The following PCDHGB7 variants were observed in gnomAD, a reference collection of about 807,000 sequenced individuals.
PCDHGB7 encodes protocadherin gamma-B7.
A neutral mutation model predicts 61.4 loss-of-function variants in PCDHGB7; 37 were observed. That is an observed-to-expected ratio of 0.60 (90% CI 0.46 to 0.79). PCDHGB7 has a LOEUF of 0.79. Ranked by LOEUF, PCDHGB7 falls within the 30% of genes least tolerant of loss-of-function variation. PCDHGB7 has a pLI of 0.00. For synonymous variants in PCDHGB7, 464 were observed against 503.5 expected (o/e 0.92, Z 1.05); for missense variants, 1,166 against 1,202.5 (o/e 0.97, Z 0.45).
chr5:141,495,982 T>C (rs2099765062), intron 2 of PCDHGB7, among the ~76,000 whole-genome samples: 2 of 152,144 alleles, frequency 1.3e-5, no homozygotes. Context: ...TACTCTTTCT[T>C]TATCTCTCTT....
chr5:141,464,907 T>A lies in PCDHGB7; in HGVS notation c.2416-29900T>A, dbSNP rs187725683. On this transcript the variant is annotated intron_variant, in intron 1 of 3. Transcript: ENST00000398594. ...ATGGATGCCACCATGTCCAGCTAAT[T>A]TTTTTATTTTTTTGTAGAGATGTGA... 4.5e-3 allele frequency among the ~76,000 whole-genome samples: 687 copies of A among 152,148 alleles called. 4 individuals are homozygous for A. Among genetic ancestry groups the A allele is most frequent in the African/African-American group, 0.015 (630 of 41,510 alleles).
Position 141,418,822 on chromosome 5 carries a change from A to C in PCDHGB7, c.963A>C (p.Ala321=), listed in dbSNP as rs780172404. Reference sequence around the variant, plus strand: ...AAAGATATACGATAAACATAGAAGCAAAAGACCGAGGATCTCTCTCAACAC... The same window carrying C: ...AAAGATATACGATAAACATAGAAGCCAAAGACCGAGGATCTCTCTCAACAC... ...EVERYTINIE[A]KDRGSLSTRC... The change falls in exon 1 of 4, where the codon GCA becomes GCC. Residue 321 remains alanine (A), a synonymous_variant. Coordinates refer to ENST00000398594, the MANE Select transcript of PCDHGB7 (RefSeq NM_018927.4). 5.6e-6 allele frequency: 9 copies of C among 1,613,988 alleles called. No individual in the cohort carries two copies. Among genetic ancestry groups the C allele is most frequent in the Non-Finnish European group, 7.6e-6 (9 of 1,179,834 alleles).
chr5:141,428,223 A>C (rs539110667), intron 1 of PCDHGB7: 30 of 1,169,680 alleles, frequency 2.6e-5, no homozygotes, highest in Admixed American at 2.5e-4. Flanking sequence ...TAGTCTTCGC[A>C]GACAGCCTGC....
At chr5:141,499,247 A>C (rs908111927) in intron 2 of PCDHGB7, among the ~76,000 whole-genome samples, 1 of 152,036 alleles carries the variant, frequency 6.6e-6, no homozygotes, top group Non-Finnish European at 1.5e-5. Flanking sequence ...CTCTGCACAA[A>C]GAGTCTCCAT....
At chr5:141,421,147 G>A in intron 1 of PCDHGB7, 1 of 1,019,036 alleles carries the variant, frequency 9.8e-7, no homozygotes, top group South Asian at 1.7e-5. Context: ...GGATGTAGTC[G>A]GCCTAGGACT....
intron 1 of PCDHGB7, chr5:141,428,862 T>TC (rs1345604550): frequency 2.7e-5 from 2 of 74,856 alleles, no homozygotes; most frequent in African/African-American, 2.0e-4. Flanking sequence ...ACGGGAGACT[T>TC]TTTTTTTTTT....
At chr5:141,507,121 G>A (rs940889204) in intron 3 of PCDHGB7, 1 of 152,126 alleles carries the variant, frequency 6.6e-6, no homozygotes, top group African/African-American at 2.4e-5. Flanking sequence ...GGCTGCCTTT[G>A]GATCCAGCCT....
chr5:141,478,271 A>G, intron 1 of PCDHGB7: 1 of 1,614,170 alleles, frequency 6.2e-7, no homozygotes, highest in Non-Finnish European at 8.5e-7. Flanking sequence ...CAAAGTTTAC[A>G]AGTGGAAGCA....
chr5:141,459,076 C>T (rs1474375780), intron 1 of PCDHGB7, among the ~76,000 whole-genome samples: 1 of 152,144 alleles, frequency 6.6e-6, no homozygotes, highest in Non-Finnish European at 1.5e-5. Context: ...ATAAAATTTG[C>T]CTTTTAAAAT....
At chr5:141,474,345 G>A (rs541613646) in intron 1 of PCDHGB7, among the ~76,000 whole-genome samples, 7 of 152,124 alleles carry the variant, frequency 4.6e-5, no homozygotes, top group African/African-American at 7.2e-5. Flanking sequence ...TTGTTAAAAT[G>A]TAAGTCATGT....
At position 141,429,460 on chromosome 5, in the gene PCDHGB7, C is replaced by T. The variant is rs528924726; in HGVS notation, c.2415+9186C>T. The stretch of plus-strand genomic sequence containing the variant: ...AAACTCTTGGGCTACAGTAATCCTC[C>T]CACCTCAATCTCCAGAGTAGCTGAG... On this transcript the variant is annotated intron_variant, in intron 1 of 3. Transcript: ENST00000398594. Among the ~76,000 whole-genome samples the T allele has an allele frequency of 1.6e-4, 25 of 151,938 alleles. 1 individual carries two copies. The South Asian group carries it at 4.6e-3, about 28-fold the overall frequency.
At position 141,432,993 on chromosome 5, in the gene PCDHGB7, G is replaced by C. The variant is rs749499789; in HGVS notation, c.2415+12719G>C. 7 of 1,614,208 alleles carry C rather than the reference G, an allele frequency of 4.3e-6. No homozygotes were observed. In the South Asian group the frequency reaches 7.7e-5, roughly 18 times the overall value. On this transcript the variant is annotated intron_variant, in intron 1 of 3. Transcript: ENST00000398594. This position sits in a 1 kb window ranked among gnomAD's most constrained non-coding sequence, Gnocchi z 6.0. ...GCGTCGCACTTTGTGGGCGTGGACG[G>C]GGTGCAGGCTTTCCTGCAGACCTAT...
chr5:141,421,670 T>A, intron 1 of PCDHGB7: 3 of 1,613,892 alleles, frequency 1.9e-6, no homozygotes, highest in Non-Finnish European at 2.5e-6. Flanking sequence ...GAGCACGCAA[T>A]TCCTGGGGCG....
chr5:141,431,225 C>A lies in PCDHGB7; in HGVS notation c.2415+10951C>A. On this transcript the variant is annotated intron_variant, in intron 1 of 3. Coordinates refer to ENST00000398594, the MANE Select transcript of PCDHGB7 (RefSeq NM_018927.4). The surrounding 1 kb of genome is among the most constrained non-coding windows in gnomAD (Gnocchi z 4.8). ...CACTGAGATGCGGTTCCCTCTACCC[C>A]ACGCCTGGGATCCGGATATCGGGAA... The A allele has an allele frequency of 1.2e-6, 2 of 1,614,118 alleles. No individual in the cohort carries two copies. The highest frequency in any genetic ancestry group is 1.7e-6 in the Non-Finnish European group (2 of 1,180,036).
intron 1 of PCDHGB7, among the ~76,000 whole-genome samples, chr5:141,465,159 A>C (rs1333891587): frequency 6.6e-6 from 1 of 151,952 alleles, no homozygotes; most frequent in East Asian, 1.9e-4. Flanking sequence ...AGGGACTCTA[A>C]ATGTTTATGA....
In PCDHGB7 at chr5:141,476,584, C is replaced by G. The variant is rs140544807; in HGVS notation, c.2416-18223C>G. ...TGGCTCCGGGGACGCGCTTTCCGCTCGAGAGCGCGCACGATCCCGATGTGG... is the reference window on the plus strand; with the variant it reads ...TGGCTCCGGGGACGCGCTTTCCGCTGGAGAGCGCGCACGATCCCGATGTGG... On this transcript the variant is annotated intron_variant, in intron 1 of 3. Coordinates refer to ENST00000398594, the MANE Select transcript of PCDHGB7 (RefSeq NM_018927.4). This position sits in a 1 kb window ranked among gnomAD's most constrained non-coding sequence, Gnocchi z 7.6. 1.2e-5 allele frequency: 19 copies of G among 1,614,100 alleles called. No homozygotes were observed. The African/African-American group carries it at 2.3e-4, about 19-fold the overall frequency.
Position 141,427,920 on chromosome 5 carries a change from C to T in PCDHGB7, c.2415+7646C>T, listed in dbSNP as rs552823212. The T allele has an allele frequency of 3.8e-6, 6 of 1,579,506 alleles. No homozygotes were observed. In the African/African-American group the frequency reaches 4.0e-5, roughly 11 times the overall value. On this transcript the variant is annotated intron_variant, in intron 1 of 3. Transcript: ENST00000398594. The stretch of plus-strand genomic sequence containing the variant: ...GCCCGCGCTCAGCGCCAACATGAGC[C>T]GGCGCATGTTGGTGGGCGACCTCAA...
intron 1 of PCDHGB7, among the ~76,000 whole-genome samples, chr5:141,451,108 G>A (rs1484218835): frequency 3.3e-5 from 5 of 151,860 alleles, no homozygotes; most frequent in South Asian, 2.1e-4. Flanking sequence ...GATTACAGGC[G>A]TGAGCCACCA....
intron 1 of PCDHGB7, among the ~76,000 whole-genome samples, chr5:141,467,486 T>A (rs985186472): frequency 6.6e-6 from 1 of 152,242 alleles, no homozygotes; most frequent in Non-Finnish European, 1.5e-5. Flanking sequence ...GGTTTCCACA[T>A]TTAGATCCCT....
Sources: gnomAD v4.1 joint callset for allele counts (sites outside exome capture counted in the v4.1 genomes callset) on GRCh38, gnomAD v4.1.1 for gene constraint, Gnocchi (gnomAD v3.1) non-coding constraint, MANE v1.5 for transcripts, NCBI Gene and HGNC (gene_info 2026-07-23, HGNC 2026-07-21) for gene names.